CC2D2B: variants seen among roughly 807,000 people sequenced by gnomAD.
CC2D2B encodes the protein protein CC2D2B.
A neutral mutation model predicts 161.2 loss-of-function variants in CC2D2B; 128 were observed. That is an observed-to-expected ratio of 0.79 (90% CI 0.69 to 0.92). The LOEUF (loss-of-function observed/expected upper bound fraction) is 0.92. CC2D2B is among the 40% of genes least tolerant of loss of function. CC2D2B has a pLI of 0.00. For synonymous variants in CC2D2B, 391 were observed against 449.8 expected, an observed-to-expected ratio of 0.87 and a Z score of 1.65; for missense variants, 1,173 against 1,375.1, an observed-to-expected ratio of 0.85 and a Z score of 2.32.
At chr10:95,968,102 C>A (rs912895033) in intron 14 of CC2D2B, among the ~76,000 whole-genome samples, 2 of 152,122 alleles carry the variant, frequency 1.3e-5, no homozygotes, top group African/African-American at 4.8e-5. Context: ...CAAGTGTTTC[C>A]CCCAGGGAAG....
intron 26 of CC2D2B, among the ~76,000 whole-genome samples, chr10:96,011,740 C>T (rs116903354): frequency 7.6e-4 from 98 of 128,320 alleles, no homozygotes; most frequent in East Asian, 7.4e-3. Context: ...CTTACACACA[C>T]GCACACACAC....
chr10:96,019,374 C>A, intron 31 of CC2D2B, 37 bp downstream of exon 31: 1 of 1,564,466 alleles, frequency 6.4e-7, no homozygotes, highest in South Asian at 1.2e-5. Context: ...GAGTTATCTC[C>A]TCTAGAGTCA....
chr10:95,919,207 A>C (rs926562063), intron 2 of CC2D2B: 2 of 152,188 alleles, frequency 1.3e-5, no homozygotes, highest in African/African-American at 4.8e-5. Flanking sequence ...GGCATTGAAT[A>C]GTTAGATATT....
chr10:95,936,130 G>A (rs1307242332), intron 6 of CC2D2B, among the ~76,000 whole-genome samples: 1 of 152,104 alleles, frequency 6.6e-6, no homozygotes, highest in African/African-American at 2.4e-5. Context: ...CTGTGGCTGT[G>A]GCCACTTTTC....
rs2079625636 is a variant in CC2D2B, at chr10:96,024,866, T to G, written c.3902T>G (p.Ile1301Ser). The change falls in exon 33 of 35, where the codon ATT (isoleucine) becomes AGT (serine). Residue 1301 changes from isoleucine (I) to serine (S), a missense_variant. By Grantham distance (142) the Ile-to-Ser change is moderately radical. This residue lies in a region of CC2D2B where 598 missense variants were observed against 693.2 expected (regional missense o/e 0.86). Transcript: ENST00000646931. ...TGTCTATTTCAGCCTGAAGAAATAA[T>G]TTATTTTGAAACTGATAAAAGCATG... ...KIQSIQPEEI[I>S]YFETDKSMVE... 1 of 1,520,176 alleles carries G rather than the reference T, an allele frequency of 6.6e-7. No individual in the cohort carries two copies. Among genetic ancestry groups the G allele is most frequent in the East Asian group, 2.5e-5 (1 of 40,342 alleles). 94.2% of individuals were successfully genotyped at this position (1,520,176 alleles called of 1,614,324 possible). A position where few individuals can be genotyped will look rare whatever the true frequency, so the allele number is the denominator to read the frequency against.
At chr10:95,996,448 A>G (rs2078233897) in intron 24 of CC2D2B, among the ~76,000 whole-genome samples, 196 bp downstream of exon 24, 1 of 152,226 alleles carries the variant, frequency 6.6e-6, no homozygotes, top group African/African-American at 2.4e-5. Flanking sequence ...ATATATAAAC[A>G]TAAGTTCTAA....
chr10:96,019,689 A>G lies in CC2D2B; in HGVS notation c.3766-13A>G. On this transcript the variant is annotated splice_polypyrimidine_tract_variant and intron_variant, in intron 31 of 34. Coordinates refer to ENST00000646931, the MANE Select transcript of CC2D2B (RefSeq NM_001349008.3). ...TATGGACCTACACTAATGTTATATT[A>G]ATGTTTTCATAGGTCTGGTTTAATA... 3.2e-6 allele frequency: 5 copies of G among 1,564,102 alleles called. No homozygotes were observed. Among genetic ancestry groups the G allele is most frequent in the Non-Finnish European group, 4.3e-6 (5 of 1,162,500 alleles).
intron 2 of CC2D2B, among the ~76,000 whole-genome samples, chr10:95,914,875 C>T (rs2098513184): frequency 6.6e-6 from 1 of 152,298 alleles, no homozygotes; most frequent in South Asian, 2.1e-4. Context: ...TTTTCCTGCT[C>T]AGGATAGCTC....
chr10:95,920,679 C>T (rs2098525283), intron 2 of CC2D2B: 1 of 152,194 alleles, frequency 6.6e-6, no homozygotes, highest in African/African-American at 2.4e-5. Context: ...AATACTGGGT[C>T]TCGCCCAAGG....
At chr10:95,995,932 A>G (rs1461937739) in intron 23 of CC2D2B, among the ~76,000 whole-genome samples, 1 of 152,166 alleles carries the variant, frequency 6.6e-6, no homozygotes, top group Non-Finnish European at 1.5e-5. Context: ...TAAAATCCTT[A>G]AGAGAAAGTT....
intron 33 of CC2D2B, among the ~76,000 whole-genome samples, chr10:96,025,166 T>TATAAAAAAAAAAA (rs1590934317): frequency 1.0e-4 from 1 of 9,972 alleles, no homozygotes; most frequent in Non-Finnish European, 1.6e-4. Flanking sequence ...TATATATATA[T>TATAAAAAAAAAAA]ATATATATAT....
chr10:95,972,306 A>T, intron 16 of CC2D2B, 90 bp downstream of exon 16: 1 of 804,912 alleles, frequency 1.2e-6, no homozygotes, highest in Non-Finnish European at 1.7e-6. Flanking sequence ...TAAGTACAAA[A>T]TCCTGTATTT....
At chr10:95,928,233 A>T (rs1376506179) in intron 6 of CC2D2B, among the ~76,000 whole-genome samples, 4 of 24,638 alleles carry the variant, frequency 1.6e-4, no homozygotes, top group Middle Eastern at 0.015. Context: ...TTGCACAATT[A>T]AAAAAAAAAA....
chr10:95,963,476 G>T (rs566693584), intron 12 of CC2D2B, among the ~76,000 whole-genome samples: 1 of 152,100 alleles, frequency 6.6e-6, no homozygotes, highest in Non-Finnish European at 1.5e-5. Context: ...TCTAAATAAG[G>T]TAATTGAGTG....
At chr10:95,914,323 G>A (rs1312768242) in intron 2 of CC2D2B, among the ~76,000 whole-genome samples, 1 of 152,018 alleles carries the variant, frequency 6.6e-6, no homozygotes, top group Non-Finnish European at 1.5e-5. Context: ...ATGTGTATGT[G>A]TGTGCGCGTG....
At chr10:95,925,018 T>C (rs2098535882) in intron 5 of CC2D2B, among the ~76,000 whole-genome samples, 174 bp downstream of exon 5, 1 of 152,224 alleles carries the variant, frequency 6.6e-6, no homozygotes, top group Non-Finnish European at 1.5e-5. Flanking sequence ...GATTCCTCTT[T>C]ATCAGTGATT....
chr10:95,912,640 A>G (rs573760386), intron 2 of CC2D2B, among the ~76,000 whole-genome samples: 1 of 152,328 alleles, frequency 6.6e-6, no homozygotes, highest in South Asian at 2.1e-4. Flanking sequence ...GTAATAAATC[A>G]AGTAATAGCT....
At chr10:95,944,023 A>G (rs2076111323) in intron 9 of CC2D2B, among the ~76,000 whole-genome samples, 1 of 152,130 alleles carries the variant, frequency 6.6e-6, no homozygotes, top group South Asian at 2.1e-4. Context: ...GACTGCAAGC[A>G]GGGCAGGGTT....
intron 6 of CC2D2B, among the ~76,000 whole-genome samples, chr10:95,932,104 T>C (rs2075623302): frequency 6.6e-6 from 1 of 152,264 alleles, no homozygotes; most frequent in Non-Finnish European, 1.5e-5. Flanking sequence ...TTAGCTCTTC[T>C]TGTTGCATCA....
Sources: allele counts gnomAD v4.1 joint callset (sites outside exome capture counted in the v4.1 genomes callset), GRCh38; gene constraint gnomAD v4.1.1; regional missense constraint gnomAD v4.1.1; transcripts MANE v1.5; gene names NCBI Gene and HGNC (gene_info 2026-07-23, HGNC 2026-07-21).